IQCH: variants seen among roughly 807,000 people sequenced by gnomAD.
IQCH encodes the protein IQ motif containing H, also known as IQ domain-containing protein H.
IQCH carries 98 observed loss-of-function variants against 117.0 expected under a neutral mutation model. The ratio of observed to expected loss-of-function variants is 0.84; its 90% CI spans 0.71 to 0.99. The LOEUF (loss-of-function observed/expected upper bound fraction) is 0.99, where lower values mean the gene tolerates loss of function less well. Ranked by LOEUF, IQCH falls within the 50% of genes least tolerant of loss-of-function variation. IQCH has a pLI of 0.00. For synonymous variants in IQCH, 412 were observed against 448.2 expected (o/e 0.92, Z 1.02); for missense variants, 1,102 against 1,243.8 (o/e 0.89, Z 1.72).
At position 67,384,783 on chromosome 15, in the gene IQCH, C is replaced by T. The variant is rs893399923; in HGVS notation, c.1373-153C>T. Among the ~76,000 whole-genome samples the T allele has an allele frequency of 1.3e-5, 2 of 152,106 alleles. No individual in the cohort carries two copies. The highest frequency in any genetic ancestry group is 4.8e-5 in the African/African-American group (2 of 41,494). ...ATGTTTAATTCCCCCGAGAAACAAGCACCTCATTCTTCGGGATTGGGTTGT... is the reference window on the plus strand; with the variant it reads ...ATGTTTAATTCCCCCGAGAAACAAGTACCTCATTCTTCGGGATTGGGTTGT... On this transcript the variant is annotated intron_variant, in intron 10 of 20. Transcript: ENST00000335894. This position sits in a 1 kb window ranked among gnomAD's most constrained non-coding sequence, Gnocchi z 4.3.
chr15:67,376,176 C>T lies in IQCH; in HGVS notation c.1372+2743C>T, dbSNP rs1970731227. 6.6e-6 allele frequency among the ~76,000 whole-genome samples: 1 copy of T among 152,158 alleles called. No homozygotes were observed. Among genetic ancestry groups the T allele is most frequent in the African/African-American group, 2.4e-5 (1 of 41,442 alleles). ...CTACCTATTCCACAGATAGAATTCTCAAACGATGTATATATTTTTAAGGAT... is the reference window on the plus strand; with the variant it reads ...CTACCTATTCCACAGATAGAATTCTTAAACGATGTATATATTTTTAAGGAT... On this transcript the variant is annotated intron_variant, in intron 10 of 20. Transcript: ENST00000335894. The surrounding 1 kb of genome is among the most constrained non-coding windows in gnomAD (Gnocchi z 5.0).
In IQCH at chr15:67,342,602, A is replaced by G. The variant is rs1969221296; in HGVS notation, c.509-1461A>G. 6.6e-6 allele frequency among the ~76,000 whole-genome samples: 1 copy of G among 152,188 alleles called. No individual in the cohort carries two copies. The highest frequency in any genetic ancestry group is 2.4e-5 in the African/African-American group (1 of 41,448). On this transcript the variant is annotated intron_variant, in intron 5 of 20. Transcript: ENST00000335894. The surrounding 1 kb of genome is among the most constrained non-coding windows in gnomAD (Gnocchi z 4.7). ...CTGCAAAACAGAGTTCTTGGAAATGAAATTTGATATTTATAGGTGGAAAAT... is the reference window on the plus strand; with the variant it reads ...CTGCAAAACAGAGTTCTTGGAAATGGAATTTGATATTTATAGGTGGAAAAT...
chr15:67,321,492 C>G (rs1238359035), intron 4 of IQCH, among the ~76,000 whole-genome samples: 4 of 140,168 alleles, frequency 2.9e-5, no homozygotes, highest in African/African-American at 1.1e-4. Flanking sequence ...CTTTCTTTTT[C>G]TTTCTTTTTT....
chr15:67,357,504 T>G lies in IQCH; in HGVS notation c.714+83T>G. On this transcript the variant is annotated intron_variant, in intron 7 of 20. Transcript: ENST00000335894. ...AGATATTTGGTGATTTACACGTTATTGAGTTGTACCTTCAACATAGAAATA... is the reference window on the plus strand; with the variant it reads ...AGATATTTGGTGATTTACACGTTATGGAGTTGTACCTTCAACATAGAAATA... 1.2e-5 allele frequency: 11 copies of G among 894,160 alleles called. No homozygotes were observed. In the South Asian group the frequency reaches 1.5e-4, roughly 12 times the overall value. The allele number at this position is 894,160 out of a possible 1,614,324, so 55.4% of individuals were successfully genotyped here.
chr15:67,344,336 C>T (rs1226522229), intron 6 of IQCH, 145 bp downstream of exon 6: 1 of 586,890 alleles, frequency 1.7e-6, no homozygotes, highest in East Asian at 3.0e-5. Flanking sequence ...TACATTCCCA[C>T]AGTCAGCTAT....
rs764764377 is a variant in IQCH at position 67,496,162 on chromosome 15, C to G, written c.2970+1796C>G. The stretch of plus-strand genomic sequence containing the variant: ...TGAAACCCCATCTCTACAAAAATTA[C>G]AAAAATTAGCCAGGTGTGGTGGCTC... On this transcript the variant is annotated intron_variant, in intron 20 of 20. Transcript: ENST00000335894. The surrounding 1 kb of genome is among the most constrained non-coding windows in gnomAD (Gnocchi z 4.4). Among the ~76,000 whole-genome samples, 4 of 151,268 alleles carry G rather than the reference C, an allele frequency of 2.6e-5. No individual in the cohort carries two copies. Among genetic ancestry groups the G allele is most frequent in the African/African-American group, 4.9e-5 (2 of 41,156 alleles).
chr15:67,332,504 A>C (rs990216139), intron 4 of IQCH, among the ~76,000 whole-genome samples: 2 of 152,196 alleles, frequency 1.3e-5, no homozygotes, highest in Non-Finnish European at 1.5e-5. Flanking sequence ...TTGATAACCA[A>C]AGCTAGCCAA....
rs986209264 is a variant in IQCH at position 67,350,080 on chromosome 15, G to A, written c.637+5889G>A. On this transcript the variant is annotated intron_variant, in intron 6 of 20. Transcript: ENST00000335894. ...CACAAAAACCTGTATATGAAGGTTT[G>A]TAATATATGAATGTTGCTTTATTCA... 4.6e-5 allele frequency among the ~76,000 whole-genome samples: 7 copies of A among 152,266 alleles called. No individual in the cohort carries two copies. The East Asian group carries it at 9.6e-4, about 21-fold the overall frequency.
chr15:67,400,131 T>C lies in IQCH; in HGVS notation c.1923T>C (p.Ser641=), dbSNP rs777419589. Residue 641 remains serine, a synonymous_variant, in exon 14 of 21, where the codon AGT becomes AGC. Transcript: ENST00000335894. ...YSQQQMIEQL[S]QLITDHLQIQ... is the part of the protein sequence containing the mutation. ...CCTCACAGATGATAGAGCAGCTGAGTCAGCTGATAACTGATCACCTGCAAA... is the reference window on the plus strand; with the variant it reads ...CCTCACAGATGATAGAGCAGCTGAGCCAGCTGATAACTGATCACCTGCAAA... 9 of 1,613,566 alleles carry C rather than the reference T, an allele frequency of 5.6e-6. No homozygotes were observed. Among genetic ancestry groups the C allele is most frequent in the Non-Finnish European group, 7.6e-6 (9 of 1,179,764 alleles).
chr15:67,255,054 A>G, intron 1 of IQCH, 107 bp downstream of exon 1: 10 of 1,107,582 alleles, frequency 9.0e-6, no homozygotes, highest in Non-Finnish European at 1.4e-5. Context: ...CGCCGCCCCT[A>G]GACTCCCTCC....
At chr15:67,429,826 C>A (rs1245395293) in intron 16 of IQCH, among the ~76,000 whole-genome samples, 1 of 152,128 alleles carries the variant, frequency 6.6e-6, no homozygotes, top group Non-Finnish European at 1.5e-5. Flanking sequence ...AAGGACAGTC[C>A]CACAATTGTG....
rs1002557693 is a variant in IQCH, at chr15:67,386,316, G to A, written c.1456+1297G>A. Among the ~76,000 whole-genome samples the A allele has an allele frequency of 2.0e-5, 3 of 151,966 alleles. No homozygotes were observed. Among genetic ancestry groups the A allele is most frequent in the Non-Finnish European group, 4.4e-5 (3 of 67,994 alleles). On this transcript the variant is annotated intron_variant, in intron 11 of 20. Coordinates refer to ENST00000335894, the MANE Select transcript of IQCH (RefSeq NM_001031715.3). This position sits in a 1 kb window ranked among gnomAD's most constrained non-coding sequence, Gnocchi z 5.0. ...ATTGGAAAAGACTTGAAAGTATTAG[G>A]CTTCTATTTTAAACAACTCAATAAT...
At chr15:67,428,516 C>T (rs1170964482) in intron 16 of IQCH, among the ~76,000 whole-genome samples, 2 of 152,070 alleles carry the variant, frequency 1.3e-5, no homozygotes, top group Admixed American at 6.5e-5. Flanking sequence ...GAGTAGCTTG[C>T]ATTATCCAGG....
At chr15:67,320,294 T>C (rs1968054197) in intron 4 of IQCH, among the ~76,000 whole-genome samples, 1 of 152,224 alleles carries the variant, frequency 6.6e-6, no homozygotes, top group Non-Finnish European at 1.5e-5. Context: ...GGCACACTGC[T>C]CTGTAATAAG....
chr15:67,267,614 CA>C (rs1453165238), intron 3 of IQCH, among the ~76,000 whole-genome samples: 1 of 152,190 alleles, frequency 6.6e-6, no homozygotes, highest in Non-Finnish European at 1.5e-5. Flanking sequence ...AATGCCTGCT[CA>C]AACTGTGAGG....
In IQCH at chr15:67,458,184, G is replaced by C. The variant is rs2082703821; in HGVS notation, c.2506-6943G>C. Among the ~76,000 whole-genome samples, 1 of 152,198 alleles carries C rather than the reference G, an allele frequency of 6.6e-6. No individual in the cohort carries two copies. The highest frequency in any genetic ancestry group is 6.5e-5 in the Admixed American group (1 of 15,286). ...CCCTCTATAACATGCTGTAACAAAG[G>C]CATCTCAAACTTAACTGATCTGAAA... On this transcript the variant is annotated intron_variant, in intron 16 of 20. Transcript: ENST00000335894. The surrounding 1 kb of genome is among the most constrained non-coding windows in gnomAD (Gnocchi z 4.1).
intron 3 of IQCH, among the ~76,000 whole-genome samples, chr15:67,277,561 T>G (rs534835705): frequency 8.9e-5 from 13 of 146,398 alleles, no homozygotes; most frequent in African/African-American, 3.3e-4. Flanking sequence ...TTAGACGGAG[T>G]CTCGCTCTGT....
At chr15:67,298,679 A>G (rs1458206753) in intron 4 of IQCH, among the ~76,000 whole-genome samples, 2 of 152,240 alleles carry the variant, frequency 1.3e-5, no homozygotes, top group African/African-American at 2.4e-5. Flanking sequence ...CAGCCTGGCC[A>G]ACATGATGAA....
At chr15:67,397,419 T>C (rs1015109160) in intron 13 of IQCH, among the ~76,000 whole-genome samples, 1 of 152,234 alleles carries the variant, frequency 6.6e-6, no homozygotes, top group African/African-American at 2.4e-5. Context: ...TATGTGCAAA[T>C]TGTATAACAA....
Sources: allele counts gnomAD v4.1 joint callset (sites outside exome capture counted in the v4.1 genomes callset), GRCh38; gene constraint gnomAD v4.1.1; non-coding constraint Gnocchi (gnomAD v3.1); transcripts MANE v1.5; gene names NCBI Gene and HGNC (gene_info 2026-07-23, HGNC 2026-07-21).